CHN2: variants seen among roughly 807,000 people sequenced by gnomAD.
CHN2 encodes the protein beta-chimaerin.
In CHN2, 35 loss-of-function variants were observed where a neutral mutation model predicts 56.3. The observed-to-expected ratio is 0.62, with a 90% confidence interval of 0.47 to 0.82. CHN2 has a LOEUF of 0.82. Ranked by LOEUF, CHN2 falls within the 40% of genes least tolerant of loss-of-function variation. The pLI is 0.00. For synonymous variants in CHN2, 210 were observed against 212.8 expected (o/e 0.99, Z 0.12); for missense variants, 491 against 580.5 (o/e 0.85, Z 1.58).
intron 1 of CHN2, among the ~76,000 whole-genome samples, chr7:29,262,464 T>C (rs1030013173): frequency 2.0e-5 from 3 of 152,240 alleles, no homozygotes; most frequent in African/African-American, 7.2e-5. Flanking sequence ...AGTTAAATTA[T>C]ATCAGGATTA....
chr7:29,280,490 G>A (rs1046822791), intron 1 of CHN2, among the ~76,000 whole-genome samples: 8 of 152,132 alleles, frequency 5.3e-5, no homozygotes, highest in Admixed American at 5.2e-4. Flanking sequence ...GTTGGTTTTG[G>A]GCATCTGAGG....
rs193143273 is a variant in CHN2, at chr7:29,265,902, A to G, written c.49+70912A>G. On this transcript the variant is annotated intron_variant, in intron 1 of 12. Coordinates refer to ENST00000222792, the MANE Select transcript of CHN2 (RefSeq NM_004067.4). ...TGTCACATGAGTGAAGAGTCACCTCAAGAAGACCCAGTACAGTAAGCTGAG... is the reference window on the plus strand; with the variant it reads ...TGTCACATGAGTGAAGAGTCACCTCGAGAAGACCCAGTACAGTAAGCTGAG... Among the ~76,000 whole-genome samples the G allele has an allele frequency of 4.6e-3, 697 of 152,310 alleles. 5 individuals carry two copies. The highest frequency in any genetic ancestry group is 0.016 in the African/African-American group (680 of 41,572).
intron 6 of CHN2, among the ~76,000 whole-genome samples, chr7:29,453,966 G>A (rs528554445): frequency 4.0e-5 from 6 of 151,548 alleles, no homozygotes; most frequent in Admixed American, 2.6e-4. Context: ...CTTCCGTCAC[G>A]GCCCGAAATC....
chr7:29,456,456 G>C (rs1346594886), intron 6 of CHN2, among the ~76,000 whole-genome samples: 1 of 152,198 alleles, frequency 6.6e-6, no homozygotes, highest in African/African-American at 2.4e-5. Flanking sequence ...TGGATCGAGA[G>C]CAAATTCTCT....
intron 2 of CHN2, among the ~76,000 whole-genome samples, chr7:29,186,867 T>C (rs183494516): frequency 0.013 from 1,922 of 152,294 alleles, 20 homozygotes; most frequent in South Asian, 0.043. Context: ...CTTACCCTAA[T>C]TTTTTGTTTT....
intron 9 of CHN2, among the ~76,000 whole-genome samples, chr7:29,500,494 G>A (rs1206471690): frequency 1.3e-5 from 2 of 152,044 alleles, no homozygotes; most frequent in Non-Finnish European, 2.9e-5. Flanking sequence ...CAGGTGTGGT[G>A]GTGCACACCT....
At chr7:29,497,317 C>G (rs1789411842) in intron 8 of CHN2, among the ~76,000 whole-genome samples, 2 of 152,172 alleles carry the variant, frequency 1.3e-5, no homozygotes, top group Non-Finnish European at 2.9e-5. Context: ...TGGCCTGTCC[C>G]TATTGTACCT....
Position 29,270,347 on chromosome 7 carries a change from A to G in CHN2, c.49+75357A>G, listed in dbSNP as rs1010648555. Among the ~76,000 whole-genome samples the G allele has an allele frequency of 2.4e-4, 37 of 152,150 alleles. 1 individual carries two copies. The highest frequency in any genetic ancestry group is 6.8e-3 in the Middle Eastern group (2 of 294). ...GAAGGAGCTGCATTCATGATTTTCA[A>G]TTTTGACATTTAAAAAATGATCTAG... On this transcript the variant is annotated intron_variant, in intron 1 of 12. Coordinates refer to ENST00000222792, the MANE Select transcript of CHN2 (RefSeq NM_004067.4).
chr7:29,343,716 T>C (rs1585111545), intron 1 of CHN2, among the ~76,000 whole-genome samples: 1 of 152,130 alleles, frequency 6.6e-6, no homozygotes, highest in East Asian at 1.9e-4. Flanking sequence ...TTCTCATCCC[T>C]TCAGTGCTGG....
chr7:29,217,295 A>G (rs909031290), intron 1 of CHN2, among the ~76,000 whole-genome samples: 1 of 152,216 alleles, frequency 6.6e-6, no homozygotes, highest in Non-Finnish European at 1.5e-5. Context: ...CAACACAGTA[A>G]TTATGTAAGA....
chr7:29,484,218 C>A (rs1206882145), intron 7 of CHN2, among the ~76,000 whole-genome samples: 1 of 152,140 alleles, frequency 6.6e-6, no homozygotes, highest in African/African-American at 2.4e-5. Flanking sequence ...CTGGTTTATA[C>A]CCCTCGTTTG....
chr7:29,282,284 A>G (rs536849551), intron 1 of CHN2, among the ~76,000 whole-genome samples: 6 of 152,270 alleles, frequency 3.9e-5, no homozygotes, highest in Non-Finnish European at 7.3e-5. Context: ...ACACATCTCA[A>G]TTTAACTCCA....
At chr7:29,325,018 T>C (rs1795696484) in intron 1 of CHN2, among the ~76,000 whole-genome samples, 1 of 152,184 alleles carries the variant, frequency 6.6e-6, no homozygotes, top group Non-Finnish European at 1.5e-5. Flanking sequence ...TCTGCTTCAT[T>C]TTCTCTGGTC....
chr7:29,188,418 C>T (rs1176069520), intron 2 of CHN2, among the ~76,000 whole-genome samples: 1 of 152,178 alleles, frequency 6.6e-6, no homozygotes, highest in East Asian at 1.9e-4. Flanking sequence ...CTTTGTTTTA[C>T]AGACAATCTG....
intron 1 of CHN2, among the ~76,000 whole-genome samples, chr7:29,300,192 G>A (rs1312269830): frequency 2.0e-4 from 31 of 152,220 alleles, no homozygotes; most frequent in Non-Finnish European, 1.0e-4. Context: ...GTCAAGCTAA[G>A]GAATGTGGAA....
intron 1 of CHN2, among the ~76,000 whole-genome samples, chr7:29,256,240 T>C (rs245974): frequency 0.42 from 63,631 of 152,092 alleles, 14,674 homozygotes; most frequent in East Asian, 0.89. Flanking sequence ...ATGAGACATA[T>C]GCCCTCAAGC....
intron 6 of CHN2, among the ~76,000 whole-genome samples, chr7:29,403,336 T>C (rs1585277482): frequency 9.2e-6 from 1 of 108,324 alleles, no homozygotes; most frequent in Non-Finnish European, 1.9e-5. Context: ...GGGGGGAGGG[T>C]ACCTGTTTGC....
At chr7:29,405,119 C>A (rs1407009657) in intron 6 of CHN2, among the ~76,000 whole-genome samples, 2 of 146,088 alleles carry the variant, frequency 1.4e-5, no homozygotes, top group Non-Finnish European at 3.0e-5. Flanking sequence ...TTAAAGCATA[C>A]CCTGAATAAA....
chr7:29,370,389 A>G (rs1024070773), intron 3 of CHN2, among the ~76,000 whole-genome samples: 2 of 152,178 alleles, frequency 1.3e-5, no homozygotes, highest in Admixed American at 1.3e-4. Flanking sequence ...TTGAAGCTTT[A>G]TTTACATATT....
Sources: allele counts gnomAD v4.1 joint callset (sites outside exome capture counted in the v4.1 genomes callset), GRCh38; gene constraint gnomAD v4.1.1; transcripts MANE v1.5; gene names NCBI Gene and HGNC (gene_info 2026-07-23, HGNC 2026-07-21).